The following FSIP2 variants were observed in gnomAD, a reference collection of about 807,000 sequenced individuals.
The protein encoded by FSIP2 is fibrous sheath interacting protein 2, also known as fibrous sheath-interacting protein 2.
Under a neutral mutation model 510.5 loss-of-function variants are expected in FSIP2, and 367 were observed. That is an observed-to-expected ratio of 0.72 (90% CI 0.66 to 0.78). FSIP2 has a LOEUF of 0.78. Ranked by LOEUF, FSIP2 falls within the 30% of genes least tolerant of loss-of-function variation. The probability of loss-of-function intolerance (pLI) is 0.00; values close to 1 mark genes in which losing one functional copy is unlikely to be tolerated. For missense variants in FSIP2, 7,594 were observed against 7,901.7 expected (o/e 0.96, Z 1.48); for synonymous variants, 2,601 against 2,732.2 (o/e 0.95, Z 1.50).
intron 13 of FSIP2, among the ~76,000 whole-genome samples, chr2:185,773,214 GC>G (rs1488993590): frequency 6.6e-6 from 1 of 152,056 alleles, no homozygotes; most frequent in Non-Finnish European, 1.5e-5. Flanking sequence ...CTCGGTATTT[GC>G]TTGTTTGGGA....
intron 13 of FSIP2, among the ~76,000 whole-genome samples, chr2:185,768,763 T>C (rs1392570543): frequency 6.6e-6 from 1 of 152,000 alleles, no homozygotes; most frequent in Non-Finnish European, 1.5e-5. Flanking sequence ...CAATCATTAT[T>C]TTTTCTGATC....
intron 13 of FSIP2, among the ~76,000 whole-genome samples, chr2:185,770,219 C>T (rs1692578602): frequency 6.6e-6 from 1 of 152,122 alleles, no homozygotes; most frequent in Non-Finnish European, 1.5e-5. Context: ...GTACCTTTTT[C>T]TACTTGTTTG....
Position 185,801,734 on chromosome 2 carries a change from T to G in FSIP2, c.12428T>G (p.Leu4143Ter). 1 of 1,530,328 alleles carries G rather than the reference T, an allele frequency of 6.5e-7. No individual in the cohort carries two copies. Among genetic ancestry groups the G allele is most frequent in the Non-Finnish European group, 8.7e-7 (1 of 1,143,934 alleles). The allele number at this position is 1,530,328 out of a possible 1,614,324, so 94.8% of individuals were successfully genotyped here. A position where few individuals can be genotyped will look rare whatever the true frequency, so the allele number is the denominator to read the frequency against. Residue 4143 changes from leucine (L) to a stop codon, truncating the protein, a stop_gained, in exon 17 of 23, where the codon TTA (leucine) becomes TGA (stop). Coordinates refer to ENST00000424728, the MANE Select transcript of FSIP2 (RefSeq NM_173651.4). LOFTEE classifies it high-confidence loss of function. ...DYSTMLSHSF[L>*]EDVIRRLLSQ... is the part of the protein sequence containing the mutation. ...AGTACCATGTTATCACATTCATTTTTAGAAGATGTCATAAGAAGGCTTTTA... is the reference window on the plus strand; with the variant it reads ...AGTACCATGTTATCACATTCATTTTGAGAAGATGTCATAAGAAGGCTTTTA...
chr2:185,789,251 A>G lies in FSIP2; in HGVS notation c.2115A>G (p.Glu705=). ...NFKCYLKGET[E]VILESILREI... is the part of the protein sequence containing the mutation. ...AATGTTACTTGAAAGGGGAAACTGA[A>G]GTGATTTTAGAAAGCATTTTGCGAG... Residue 705 remains glutamate (E), a synonymous_variant, in exon 16 of 23, where the codon GAA becomes GAG. Coordinates refer to ENST00000424728, the MANE Select transcript of FSIP2 (RefSeq NM_173651.4). The G allele has an allele frequency of 1.3e-6, 2 of 1,534,602 alleles. No individual in the cohort carries two copies. Among genetic ancestry groups the G allele is most frequent in the Non-Finnish European group, 8.7e-7 (1 of 1,145,910 alleles).
chr2:185,817,272 GTT>G (rs1212800894), intron 19 of FSIP2, among the ~76,000 whole-genome samples: 1 of 152,020 alleles, frequency 6.6e-6, no homozygotes, highest in African/African-American at 2.4e-5. Flanking sequence ...AGGCAATGGT[GTT>G]ATAGTTTGGT....
At position 185,815,418 on chromosome 2, in the gene FSIP2, C is replaced by A; in HGVS notation, c.20373C>A (p.His6791Gln). 6.5e-7 allele frequency: 1 copy of A among 1,541,904 alleles called. No homozygotes were observed. Among genetic ancestry groups the A allele is most frequent in the Non-Finnish European group, 8.9e-7 (1 of 1,127,566 alleles). ...LVTEPTHYFI[H>Q]RIMSSSSYNQ... ...CTGAACCAACACATTACTTCATACA[C>A]AGAATTATGAGTTCATCTTCATACA... Residue 6791 changes from histidine to glutamine, a missense_variant, in exon 19 of 23, where the codon CAC becomes CAA. His to Gln is a conservative substitution (Grantham distance 24). Transcript: ENST00000424728.
chr2:185,815,336 C>G lies in FSIP2; in HGVS notation c.20326-35C>G, dbSNP rs1192070036. On this transcript the variant is annotated intron_variant, in intron 18 of 22. Coordinates refer to ENST00000424728, the MANE Select transcript of FSIP2 (RefSeq NM_173651.4). Reference sequence around the variant, plus strand: ...AAGGTAAGAAAATATATCCCAAACTCCATTTAGTGTAATAGCTGATTTGTC... The same window carrying G: ...AAGGTAAGAAAATATATCCCAAACTGCATTTAGTGTAATAGCTGATTTGTC... The G allele has an allele frequency of 4.4e-6, 4 of 912,092 alleles. No homozygotes were observed. In the East Asian group the frequency reaches 1.0e-4, roughly 23 times the overall value. 56.5% of individuals were successfully genotyped at this position (912,092 alleles called of 1,614,324 possible).
chr2:185,802,952 C>G lies in FSIP2; in HGVS notation c.13646C>G (p.Ala4549Gly). ...CAGCACCTTGTTGATTCAGTATTTGCAAATGTTGTGCAAACCTCTGGTTCT... is the reference window on the plus strand; with the variant it reads ...CAGCACCTTGTTGATTCAGTATTTGGAAATGTTGTGCAAACCTCTGGTTCT... ...DIQHLVDSVF[A>G]NVVQTSGSQE... Residue 4549 changes from alanine (A) to glycine (G), a missense_variant, in exon 17 of 23, where the codon GCA becomes GGA. Coordinates refer to ENST00000424728, the MANE Select transcript of FSIP2 (RefSeq NM_173651.4). 6.6e-7 allele frequency: 1 copy of G among 1,524,236 alleles called. No homozygotes were observed. The highest frequency in any genetic ancestry group is 2.5e-5 in the East Asian group (1 of 40,780). 94.4% of individuals were successfully genotyped at this position (1,524,236 alleles called of 1,614,324 possible).
At position 185,790,246 on chromosome 2, in the gene FSIP2, C is replaced by A; in HGVS notation, c.3110C>A (p.Thr1037Lys). 2 of 1,532,516 alleles carry A rather than the reference C, an allele frequency of 1.3e-6. No individual in the cohort carries two copies. The highest frequency in any genetic ancestry group is 4.0e-5 in the Admixed American group (2 of 50,624). 94.9% of individuals were successfully genotyped at this position (1,532,516 alleles called of 1,614,324 possible). A position where few individuals can be genotyped will look rare whatever the true frequency, so the allele number is the denominator to read the frequency against. ...SQEQIPNHWFTKGNTCFECKR... is the reference protein window; with the variant it reads ...SQEQIPNHWFKKGNTCFECKR... ...GAACAGATTCCTAATCATTGGTTTA[C>A]AAAGGGAAACACTTGTTTTGAATGC... The change falls in exon 16 of 23, where the codon ACA becomes AAA. Residue 1037 changes from threonine (T) to lysine (K), a missense_variant. Thr to Lys is a moderately conservative substitution (Grantham distance 78). Transcript: ENST00000424728.
chr2:185,754,974 A>G (rs1456701575), intron 8 of FSIP2, among the ~76,000 whole-genome samples: 2 of 151,572 alleles, frequency 1.3e-5, no homozygotes, highest in Admixed American at 6.6e-5. Context: ...AAATTAGACT[A>G]CTGATCATTC....
chr2:185,745,520 A>T lies in FSIP2; in HGVS notation c.569A>T (p.Lys190Met). The change falls in exon 5 of 23, where the codon AAG becomes ATG. Residue 190 changes from lysine to methionine, a missense_variant. By Grantham distance (95) the Lys-to-Met change is moderately conservative. Coordinates refer to ENST00000424728, the MANE Select transcript of FSIP2 (RefSeq NM_173651.4). ...GCACAAGTCCAAAACTGGTTGTTAA[A>T]GGAGGGCACTGAATCTATTAAGGAC... ...DVAQVQNWLL[K>M]EGTESIKDQE... is the part of the protein sequence containing the mutation. 1 of 1,535,848 alleles carries T rather than the reference A, an allele frequency of 6.5e-7. No individual in the cohort carries two copies. Among genetic ancestry groups the T allele is most frequent in the East Asian group, 2.4e-5 (1 of 40,872 alleles).
rs977065759 is a variant in FSIP2, at chr2:185,800,962, A to G, written c.11656A>G (p.Lys3886Glu). ...RTREIQSSFI[K>E]ARKSELIELG... ...AAGAGAAATACAGTCTAGTTTCATA[A>G]AAGCAAGAAAGTCAGAATTAATAGA... Residue 3886 changes from lysine to glutamate, a missense_variant, in exon 17 of 23, where the codon AAA (lysine) becomes GAA (glutamate). Physicochemically the swap from Lys to Glu is moderately conservative, Grantham distance 56. Coordinates refer to ENST00000424728, the MANE Select transcript of FSIP2 (RefSeq NM_173651.4). 7 of 1,528,872 alleles carry G rather than the reference A, an allele frequency of 4.6e-6. No homozygotes were observed. Among genetic ancestry groups the G allele is most frequent in the Non-Finnish European group, 5.2e-6 (6 of 1,143,258 alleles). The allele number at this position is 1,528,872 out of a possible 1,614,324, so 94.7% of individuals were successfully genotyped here.
rs201876794 is a variant in FSIP2 at position 185,809,078 on chromosome 2, C to T, written c.19772C>T (p.Thr6591Ile). Residue 6591 changes from threonine to isoleucine, a missense_variant, in exon 17 of 23, where the codon ACA becomes ATA. Transcript: ENST00000424728. ...LGSPDLEKRK[T>I]ERRTSLDKTG... ...TCACCTGATTTAGAAAAGAGAAAGA[C>T]AGAAAGACGTACCTCATTGGATAAG... 3.5e-3 allele frequency: 5,612 copies of T among 1,601,790 alleles called. 30 individuals are homozygous for T. The highest frequency in any genetic ancestry group is 4.2e-3 in the Non-Finnish European group (4,916 of 1,176,276).
chr2:185,793,378 A>C lies in FSIP2; in HGVS notation c.6242A>C (p.Lys2081Thr), dbSNP rs1693185739. The change falls in exon 16 of 23, where the codon AAA becomes ACA. Residue 2081 changes from lysine to threonine, a missense_variant. Coordinates refer to ENST00000424728, the MANE Select transcript of FSIP2 (RefSeq NM_173651.4). ...ATTGAAAAGCTGCTCAATGAGACCA[A>C]ATATCGAAAAGTACTTCAACTTCAA... is the stretch of plus-strand genomic sequence containing the variant. ...GVIEKLLNET[K>T]YRKVLQLQIQ... 6.5e-7 allele frequency: 1 copy of C among 1,533,832 alleles called. No homozygotes were observed. Among genetic ancestry groups the C allele is most frequent in the Non-Finnish European group, 8.7e-7 (1 of 1,145,530 alleles).
At chr2:185,743,073 G>T in intron 2 of FSIP2, 60 bp from the exon 3 acceptor site, 1 of 1,072,874 alleles carries the variant, frequency 9.3e-7, no homozygotes, top group South Asian at 2.0e-5. Flanking sequence ...TAATCATTTT[G>T]ATAGATTATT....
chr2:185,758,587 C>T (rs1279381751), intron 9 of FSIP2, among the ~76,000 whole-genome samples: 2 of 151,066 alleles, frequency 1.3e-5, no homozygotes, highest in African/African-American at 4.8e-5. Context: ...GGTCTTCATC[C>T]TCATTGTCTT....
intron 17 of FSIP2, among the ~76,000 whole-genome samples, chr2:185,812,794 ATTCCT>A (rs1693760987): frequency 6.6e-6 from 1 of 152,116 alleles, no homozygotes; most frequent in Non-Finnish European, 1.5e-5. Context: ...TATTGCAGAT[ATTCCT>A]TTGAGGCACC....
chr2:185,808,037 C>T lies in FSIP2; in HGVS notation c.18731C>T (p.Ala6244Val). Residue 6244 changes from alanine to valine, a missense_variant, in exon 17 of 23, where the codon GCT becomes GTT. Transcript: ENST00000424728. Reference sequence around the variant, plus strand: ...AAGGAATCACCTACTGTGCCTGTAGCTGATAATGCAACTATTGAAAACATA... The same window carrying T: ...AAGGAATCACCTACTGTGCCTGTAGTTGATAATGCAACTATTGAAAACATA... ...PTKESPTVPV[A>V]DNATIENIVN... The T allele has an allele frequency of 6.2e-7, 1 of 1,610,696 alleles. No individual in the cohort carries two copies.
chr2:185,739,594 C>T (rs2105522668), intron 2 of FSIP2, 123 bp downstream of exon 2: 1 of 867,622 alleles, frequency 1.2e-6, no homozygotes, highest in East Asian at 3.1e-5. Context: ...AAAAGAAAAT[C>T]CCACATCTGA....
Sources: gnomAD v4.1 joint callset for allele counts (sites outside exome capture counted in the v4.1 genomes callset) on GRCh38, gnomAD v4.1.1 for gene constraint, MANE v1.5 for transcripts, NCBI Gene and HGNC (gene_info 2026-07-23, HGNC 2026-07-21) for gene names.